RPS6KA3: variants seen among roughly 807,000 people sequenced by gnomAD.
RPS6KA3 encodes ribosomal protein S6 kinase A3, also known as ribosomal protein S6 kinase alpha-3.
A neutral mutation model predicts 67.2 loss-of-function variants in RPS6KA3; 4 were observed. That is an observed-to-expected ratio of 0.06 (90% CI 0.03 to 0.14). The LOEUF (loss-of-function observed/expected upper bound fraction) is 0.14, where lower values mean the gene tolerates loss of function less well. Among genes scored for constraint, RPS6KA3 ranks in the 10% least tolerant of loss-of-function variants. The pLI is 1.00. For synonymous variants in RPS6KA3, 182 were observed against 183.7 expected, an observed-to-expected ratio of 0.99 and a Z score of 0.07; for missense variants, 204 against 559.0, an observed-to-expected ratio of 0.36 and a Z score of 6.40.
At position 20,176,019 on chromosome X, in the gene RPS6KA3, T is replaced by C. The variant is rs1385973577; in HGVS notation, c.1102+231A>G. ...CCAAGTAGCTGGGATTACAGGCACA[T>C]GCCACCAAACCTGGCTAATTTTGGT... On this transcript the variant is annotated intron_variant, in intron 13 of 21. Transcript: ENST00000379565. Among the ~76,000 whole-genome samples the C allele has an allele frequency of 2.7e-5, 3 of 110,989 alleles. No homozygotes were observed. In the East Asian group the frequency reaches 8.5e-4, roughly 31 times the overall value.
Position 20,266,647 on chromosome X carries a change from C to T in RPS6KA3, c.-15G>A, listed in dbSNP as rs941257054. ...GCCAGCGGCATCTTCCCCCCCGGCCCGCCGCCTTCACCGCCTCCTCCCTCC... is the reference window on the plus strand; with the variant it reads ...GCCAGCGGCATCTTCCCCCCCGGCCTGCCGCCTTCACCGCCTCCTCCCTCC... On this transcript the variant is annotated 5_prime_UTR_variant, in exon 1 of 22. Transcript: ENST00000379565. 21 of 1,125,633 alleles carry T rather than the reference C, an allele frequency of 1.9e-5. No individual in the cohort carries two copies. The highest frequency in any genetic ancestry group is 2.7e-5 in the Admixed American group (1 of 37,302). The allele number at this position is 1,125,633 out of a possible 1,213,427, so 92.8% of individuals were successfully genotyped here.
At chrX:20,234,950 T>A in intron 1 of RPS6KA3, 136 bp from the exon 2 acceptor site, 1 of 490,157 alleles carries the variant, frequency 2.0e-6, no homozygotes, top group East Asian at 3.6e-5. Flanking sequence ...AGAACCACCA[T>A]ATGAGTATGC....
At chrX:20,241,117 C>G (rs1361858826) in intron 1 of RPS6KA3, among the ~76,000 whole-genome samples, 1 of 110,520 alleles carries the variant, frequency 9.0e-6, no homozygotes, top group Non-Finnish European at 1.9e-5. Flanking sequence ...CAACATTGTT[C>G]TATTTTCTAG....
chrX:20,157,630 C>G (rs1463491946), intron 20 of RPS6KA3, among the ~76,000 whole-genome samples: 1 of 110,857 alleles, frequency 9.0e-6, no homozygotes, highest in Non-Finnish European at 1.9e-5. Flanking sequence ...ACACCAGGTG[C>G]AGCTGGAGGG....
At chrX:20,176,954 C>T in intron 11 of RPS6KA3, 42 bp downstream of exon 11, 1 of 963,277 alleles carries the variant, frequency 1.0e-6, no homozygotes. Flanking sequence ...AAAACAAACA[C>T]CAACAAACAT....
Position 20,155,295 on chromosome X carries a change from GGACA to G in RPS6KA3, c.*99_*102del. 1 of 920,069 alleles carries G rather than the reference GGACA, an allele frequency of 1.1e-6. No individual in the cohort carries two copies. Among genetic ancestry groups the G allele is most frequent in the South Asian group, 2.0e-5 (1 of 50,943 alleles). The allele number at this position is 920,069 out of a possible 1,213,427, so 75.8% of individuals were successfully genotyped here. Reference sequence around the variant, plus strand: ...ACAGCAGCATTATGGGTACCAGCTGGGACAGTGTGTGCTTGCAGGTGTCTCTCAG... The same window carrying G: ...ACAGCAGCATTATGGGTACCAGCTGGGTGTGTGCTTGCAGGTGTCTCTCAG... On this transcript the variant is annotated 3_prime_UTR_variant, in exon 22 of 22. Transcript: ENST00000379565.
chrX:20,231,842 A>C (rs1454112957), intron 2 of RPS6KA3, among the ~76,000 whole-genome samples: 2 of 111,327 alleles, frequency 1.8e-5, no homozygotes, highest in Admixed American at 1.9e-4. Context: ...CAAGCCATGG[A>C]ATGCCAAGGA....
At chrX:20,210,884 C>T (rs181711790) in intron 2 of RPS6KA3, among the ~76,000 whole-genome samples, 1 of 110,376 alleles carries the variant, frequency 9.1e-6, no homozygotes, top group Admixed American at 9.7e-5. Flanking sequence ...CTAAATAAGA[C>T]CAAGGTACAA....
chrX:20,203,930 G>A, intron 4 of RPS6KA3, 92 bp downstream of exon 4: 1 of 665,744 alleles, frequency 1.5e-6, no homozygotes, highest in Non-Finnish European at 2.5e-6. Context: ...TATTCAGAAT[G>A]TAAATAACAT....
chrX:20,257,426 A>AGTT (rs1472162189), intron 1 of RPS6KA3, among the ~76,000 whole-genome samples: 1 of 112,233 alleles, frequency 8.9e-6, no homozygotes, highest in African/African-American at 3.2e-5. Flanking sequence ...AAAATTAAAG[A>AGTT]GTTGTATTGA....
intron 10 of RPS6KA3, among the ~76,000 whole-genome samples, chrX:20,179,492 C>T (rs895693382): frequency 9.0e-6 from 1 of 110,710 alleles, no homozygotes; most frequent in Non-Finnish European, 1.9e-5. Flanking sequence ...AGAAAAAGAA[C>T]AATTAGGGCA....
intron 1 of RPS6KA3, among the ~76,000 whole-genome samples, chrX:20,253,060 A>G (rs2069928080): frequency 9.0e-6 from 1 of 110,534 alleles, no homozygotes; most frequent in Non-Finnish European, 1.9e-5. Context: ...AACTTCCTTC[A>G]GCTTGAAGTG....
intron 5 of RPS6KA3, 22 bp from the exon 6 acceptor site, chrX:20,194,290 T>C (rs760492075): frequency 1.2e-5 from 12 of 1,020,580 alleles, no homozygotes; most frequent in South Asian, 1.9e-5. Context: ...AATGAAAATT[T>C]TCATTTAGTC....
rs183564253 is a variant in RPS6KA3, at chrX:20,209,423, G to A, written c.127-19C>T. 3.3e-6 allele frequency: 3 copies of A among 914,985 alleles called. No homozygotes were observed. Among genetic ancestry groups the A allele is most frequent in the East Asian group, 3.1e-5 (1 of 32,414 alleles). 75.4% of individuals were successfully genotyped at this position (914,985 alleles called of 1,213,427 possible). A position where few individuals can be genotyped will look rare whatever the true frequency, so the allele number is the denominator to read the frequency against. On this transcript the variant is annotated intron_variant, in intron 2 of 21. Transcript: ENST00000379565. ...CTTCTTCCTGTTGAGATAAACGTAA[G>A]AGGAGCAAACAGGGTTAGCCAGAGC...
At chrX:20,234,886 CAAAA>C in intron 1 of RPS6KA3, 72 bp from the exon 2 acceptor site, 3 of 600,868 alleles carry the variant, frequency 5.0e-6, no homozygotes, top group Non-Finnish European at 5.1e-6. Context: ...TGAAGGCAGA[CAAAA>C]AAAAAAAAAA....
intron 1 of RPS6KA3, among the ~76,000 whole-genome samples, chrX:20,244,662 A>T (rs1472050726): frequency 8.9e-6 from 1 of 112,543 alleles, no homozygotes; most frequent in African/African-American, 3.2e-5. Flanking sequence ...GTTCAAATAC[A>T]AAGCTCCTAC....
rs1260302072 is a variant in RPS6KA3 at position 20,266,765 on chromosome X, GGCA to G, written c.-136_-134del. On this transcript the variant is annotated 5_prime_UTR_variant, in exon 1 of 22. Coordinates refer to ENST00000379565, the MANE Select transcript of RPS6KA3 (RefSeq NM_004586.3). Reference sequence around the variant, plus strand: ...CGGCGGCGGCAGCGGCAGCGGCAGCGGCAGCAGCAGCAGCAGCGGCGGCGGCCC... The same window carrying G: ...CGGCGGCGGCAGCGGCAGCGGCAGCGGCAGCAGCAGCAGCGGCGGCGGCCC... 1.1e-4 allele frequency: 10 copies of G among 90,509 alleles called. No individual in the cohort carries two copies. Among genetic ancestry groups the G allele is most frequent in the Middle Eastern group, 6.7e-3 (1 of 150 alleles). 7.5% of individuals were successfully genotyped at this position (90,509 alleles called of 1,213,427 possible). A position where few individuals can be genotyped will look rare whatever the true frequency, so the allele number is the denominator to read the frequency against.
intron 18 of RPS6KA3, among the ~76,000 whole-genome samples, chrX:20,164,618 C>G (rs1408689845): frequency 1.8e-5 from 2 of 110,337 alleles, no homozygotes; most frequent in African/African-American, 6.6e-5. Flanking sequence ...CTCCTGGCGT[C>G]AAACAGTCCT....
intron 10 of RPS6KA3, among the ~76,000 whole-genome samples, chrX:20,181,888 T>C (rs972106808): frequency 8.9e-6 from 1 of 111,768 alleles, no homozygotes; most frequent in Admixed American, 9.6e-5. Context: ...TGCAGGAAGA[T>C]GGTACAGTAA....
Sources: allele counts gnomAD v4.1 joint callset (sites outside exome capture counted in the v4.1 genomes callset), GRCh38; gene constraint gnomAD v4.1.1; transcripts MANE v1.5; gene names NCBI Gene and HGNC (gene_info 2026-07-23, HGNC 2026-07-21).